The following EEF1AKMT4 variants were observed in gnomAD, a reference collection of about 807,000 sequenced individuals.
The protein encoded by EEF1AKMT4 is EEF1A lysine methyltransferase 4, also known as eukaryotic translation elongation factor 1 alpha lysine specific methyltransferase 4.
A neutral mutation model predicts 23.0 loss-of-function variants in EEF1AKMT4; 17 were observed. That is an observed-to-expected ratio of 0.74 (90% CI 0.51 to 1.11). The LOEUF (loss-of-function observed/expected upper bound fraction) is 1.11. Among genes scored for constraint, EEF1AKMT4 ranks in the 50% least tolerant of loss-of-function variants. The pLI is 0.00. For synonymous variants in EEF1AKMT4, 140 were observed against 141.4 expected, an observed-to-expected ratio of 0.99 and a Z score of 0.07; for missense variants, 318 against 333.4, an observed-to-expected ratio of 0.95 and a Z score of 0.36.
At position 184,257,642 on chromosome 3, in the gene EEF1AKMT4, T is replaced by C; in HGVS notation, c.366T>C (p.Ala122=). 6.2e-7 allele frequency: 1 copy of C among 1,614,204 alleles called. No homozygotes were observed. Among genetic ancestry groups the C allele is most frequent in the Non-Finnish European group, 8.5e-7 (1 of 1,180,042 alleles). The change falls in exon 2 of 3, where the codon GCT becomes GCC. Residue 122 remains alanine (A), a synonymous_variant. Transcript: ENST00000324557. ...MDVRKLDFPS[A]SFDVVLEKGT... is the part of the protein sequence containing the mutation. ...TGCGGAAGCTGGACTTCCCCAGTGC[T>C]TCTTTTGATGTGGTGCTCGAGAAGG...
chr3:184,249,682 G>C lies in EEF1AKMT4; in HGVS notation c.-13G>C, dbSNP rs1028986550. 16 of 1,581,360 alleles carry C rather than the reference G, an allele frequency of 1.0e-5. No individual in the cohort carries two copies. Among genetic ancestry groups the C allele is most frequent in the African/African-American group, 1.3e-5 (1 of 74,278 alleles). Reference sequence around the variant, plus strand: ...GAAGGGCCGGCGGCTCTGGCTGCCCGGCGGTTGAGAGCATGGCCTCTCCAG... The same window carrying C: ...GAAGGGCCGGCGGCTCTGGCTGCCCCGCGGTTGAGAGCATGGCCTCTCCAG... On this transcript the variant is annotated 5_prime_UTR_variant, in exon 1 of 3. Transcript: ENST00000324557.
chr3:184,254,330 G>C (rs1260892909), intron 1 of EEF1AKMT4, among the ~76,000 whole-genome samples: 3 of 152,020 alleles, frequency 2.0e-5, no homozygotes, highest in African/African-American at 4.8e-5. Flanking sequence ...GGAGTGCAGT[G>C]GTGTGATCTT....
chr3:184,257,377 TGA>T, intron 1 of EEF1AKMT4, 94 bp from the exon 2 acceptor site: 1 of 1,309,738 alleles, frequency 7.6e-7, no homozygotes, highest in Non-Finnish European at 1.1e-6. Context: ...GGGTTTGGAT[TGA>T]GAGAAAACGG....
intron 1 of EEF1AKMT4, among the ~76,000 whole-genome samples, chr3:184,251,425 T>C (rs781335252): frequency 3.3e-5 from 5 of 151,952 alleles, no homozygotes; most frequent in Admixed American, 6.6e-5. Context: ...CCCAGGTACT[T>C]GGGAGGCTGA....
intron 2 of EEF1AKMT4, 64 bp from the exon 3 acceptor site, chr3:184,258,224 A>T: frequency 1.4e-6 from 2 of 1,433,078 alleles, no homozygotes; most frequent in Non-Finnish European, 9.6e-7. Context: ...CATCTGGAGC[A>T]GTACTGACCT....
chr3:184,257,030 T>G (rs1385161905), intron 1 of EEF1AKMT4, among the ~76,000 whole-genome samples: 1 of 151,770 alleles, frequency 6.6e-6, no homozygotes, highest in Non-Finnish European at 1.5e-5. Context: ...CGTATTATTA[T>G]CTTCATTTTT....
chr3:184,252,121 C>T (rs1317193881), intron 1 of EEF1AKMT4, among the ~76,000 whole-genome samples: 1 of 152,112 alleles, frequency 6.6e-6, no homozygotes, highest in African/African-American at 2.4e-5. Context: ...GATTCTAATT[C>T]CAGGGATGGT....
At chr3:184,250,516 C>T (rs1306793668) in intron 1 of EEF1AKMT4, among the ~76,000 whole-genome samples, 8 of 152,152 alleles carry the variant, frequency 5.3e-5, no homozygotes, top group Non-Finnish European at 8.8e-5. Context: ...AGGTAGGGCT[C>T]TGGGGTGTTC....
At chr3:184,253,637 C>T (rs1719654891) in intron 1 of EEF1AKMT4, among the ~76,000 whole-genome samples, 1 of 151,624 alleles carries the variant, frequency 6.6e-6, no homozygotes, top group South Asian at 2.1e-4. Context: ...CTCAATTTTC[C>T]CATGTAGAAA....
intron 1 of EEF1AKMT4, among the ~76,000 whole-genome samples, chr3:184,254,440 C>T (rs548881731): frequency 1.1e-4 from 17 of 151,302 alleles, no homozygotes; most frequent in Admixed American, 6.6e-5. Flanking sequence ...TGCGGTGGCT[C>T]ATGCCTGTAA....
intron 1 of EEF1AKMT4, among the ~76,000 whole-genome samples, chr3:184,250,372 A>G (rs908376976): frequency 6.6e-6 from 1 of 152,222 alleles, no homozygotes; most frequent in African/African-American, 2.4e-5. Context: ...ACTGGGAGCC[A>G]GAGTCACCTA....
At chr3:184,251,114 T>C (rs574670244) in intron 1 of EEF1AKMT4, among the ~76,000 whole-genome samples, 19 of 137,854 alleles carry the variant, frequency 1.4e-4, no homozygotes, top group Non-Finnish European at 9.4e-5. Context: ...AGAAAAGAAC[T>C]TGGACTCTGG....
rs574581787 is a variant in EEF1AKMT4 at position 184,258,418 on chromosome 3, T to C, written c.611T>C (p.Phe204Ser). The C allele has an allele frequency of 5.0e-6, 8 of 1,613,984 alleles. 1 individual carries two copies. The South Asian group carries it at 7.7e-5, about 16-fold the overall frequency. ...AGGCATGCTACCTATGGCAGCGGTT[T>C]CCACTTCCATCTCTACCTCATGCAC... ...SLRHATYGSGFHFHLYLMHKG... is the reference protein window; with the variant it reads ...SLRHATYGSGSHFHLYLMHKG... Residue 204 changes from phenylalanine (F) to serine (S), a missense_variant, in exon 3 of 3, where the codon TTC becomes TCC. Phe to Ser is a radical substitution (Grantham distance 155). Coordinates refer to ENST00000324557, the MANE Select transcript of EEF1AKMT4 (RefSeq NM_032331.4).
At chr3:184,250,751 A>G (rs1476641907) in intron 1 of EEF1AKMT4, among the ~76,000 whole-genome samples, 1 of 152,286 alleles carries the variant, frequency 6.6e-6, no homozygotes, top group African/African-American at 2.4e-5. Context: ...TTTGAGAAAT[A>G]GAACATTACT....
intron 1 of EEF1AKMT4, among the ~76,000 whole-genome samples, chr3:184,251,040 A>G (rs1719519779): frequency 6.7e-6 from 1 of 149,658 alleles, no homozygotes; most frequent in Middle Eastern, 3.3e-3. Flanking sequence ...AGCCAAGATC[A>G]TGCCATTGCA....
chr3:184,257,209 CA>C (rs751755981), intron 1 of EEF1AKMT4, among the ~76,000 whole-genome samples: 7,191 of 69,454 alleles, frequency 0.1, 184 homozygotes, highest in East Asian at 0.27. Context: ...GAATTCATCT[CA>C]AAAAAAAAAA....
chr3:184,254,238 A>G (rs1357131583), intron 1 of EEF1AKMT4, among the ~76,000 whole-genome samples: 2 of 151,748 alleles, frequency 1.3e-5, no homozygotes, highest in Non-Finnish European at 2.9e-5. Flanking sequence ...AGCTTCTCCA[A>G]TTTGTTATGC....
chr3:184,256,017 C>T (rs1271919102), intron 1 of EEF1AKMT4, among the ~76,000 whole-genome samples: 1 of 152,162 alleles, frequency 6.6e-6, no homozygotes, highest in African/African-American at 2.4e-5. Context: ...GGTGTGGTGG[C>T]TCATGCCTAT....
chr3:184,256,471 C>T (rs906033080), intron 1 of EEF1AKMT4, among the ~76,000 whole-genome samples: 2 of 151,872 alleles, frequency 1.3e-5, no homozygotes, highest in African/African-American at 4.8e-5. Context: ...TAGGATAATA[C>T]TAATTTATAT....
Sources: allele counts gnomAD v4.1 joint callset (sites outside exome capture counted in the v4.1 genomes callset), GRCh38; gene constraint gnomAD v4.1.1; transcripts MANE v1.5; gene names NCBI Gene and HGNC (gene_info 2026-07-23, HGNC 2026-07-21).